The following LYPLAL1 variants were observed in gnomAD, a reference collection of about 807,000 sequenced individuals.
LYPLAL1 encodes lysophospholipase like 1, also known as lysophospholipase-like protein 1.
A neutral mutation model predicts 19.7 loss-of-function variants in LYPLAL1; 23 were observed. The ratio of observed to expected loss-of-function variants is 1.17; its 90% confidence interval spans 0.84 to 1.65. The LOEUF (loss-of-function observed/expected upper bound fraction) is 1.65, where lower values mean the gene tolerates loss of function less well. Among genes scored for constraint, LYPLAL1 ranks in the 40% most tolerant of loss-of-function variants. The probability of loss-of-function intolerance (pLI) is 0.00; values close to 1 mark genes in which losing one functional copy is unlikely to be tolerated. For synonymous variants in LYPLAL1, 119 were observed against 96.3 expected (o/e 1.24, Z -1.38); for missense variants, 355 against 279.4 (o/e 1.27, Z -1.93).
intron 3 of LYPLAL1, among the ~76,000 whole-genome samples, chr1:219,208,570 C>T (rs112019807): frequency 1.6e-4 from 24 of 151,910 alleles, no homozygotes; most frequent in Non-Finnish European, 2.9e-4. Flanking sequence ...TACCACTGAG[C>T]GTGTAAAGTT....
the LYPLAL1 span, among the ~76,000 whole-genome samples, chr1:219,331,587 T>G: frequency 6.6e-6 from 1 of 152,226 alleles, no homozygotes; most frequent in Non-Finnish European, 1.5e-5. Flanking sequence ...CTGTCATTTA[T>G]GCACACATGC....
At chr1:219,182,070 A>C (rs1446926269) in intron 2 of LYPLAL1, among the ~76,000 whole-genome samples, 9 of 152,172 alleles carry the variant, frequency 5.9e-5, no homozygotes, top group African/African-American at 2.2e-4. Context: ...TGTTGTGGTA[A>C]ATAACCTAAG....
chr1:219,195,698 T>G lies in LYPLAL1; in HGVS notation c.361+2447T>G, dbSNP rs955870591. Among the ~76,000 whole-genome samples, 7 of 139,752 alleles carry G rather than the reference T, an allele frequency of 5.0e-5. No individual in the cohort carries two copies. In the South Asian group the frequency reaches 1.2e-3, roughly 25 times the overall value. The allele number at this position is 139,752 out of a possible 152,430, so 91.7% of individuals were successfully genotyped here. On this transcript the variant is annotated intron_variant, in intron 3 of 4. Coordinates refer to ENST00000366928, the MANE Select transcript of LYPLAL1 (RefSeq NM_138794.5). ...TCAAATCTTTTAAAAATTTTAATTTTATTTTAAGTTCCAGGATACATGTGC... is the reference window on the plus strand; with the variant it reads ...TCAAATCTTTTAAAAATTTTAATTTGATTTTAAGTTCCAGGATACATGTGC...
chr1:219,194,457 G>A (rs774365214), intron 3 of LYPLAL1, among the ~76,000 whole-genome samples: 3 of 151,906 alleles, frequency 2.0e-5, no homozygotes, highest in Non-Finnish European at 4.4e-5. Flanking sequence ...AGATGTTCAC[G>A]GGGATGTGCA....
intron 2 of LYPLAL1, among the ~76,000 whole-genome samples, chr1:219,189,243 A>G (rs894880790): frequency 6.6e-5 from 10 of 151,850 alleles, no homozygotes; most frequent in Non-Finnish European, 4.4e-5. Flanking sequence ...TAGACAGACA[A>G]ATAAACACAG....
At chr1:219,382,564 G>T in the LYPLAL1 span, among the ~76,000 whole-genome samples, 3 of 152,142 alleles carry the variant, frequency 2.0e-5, no homozygotes, top group South Asian at 6.2e-4. Flanking sequence ...GGGTTTCACC[G>T]TGTTAGCCAG....
the LYPLAL1 span, among the ~76,000 whole-genome samples, chr1:219,350,591 G>A: frequency 6.6e-6 from 1 of 151,648 alleles, no homozygotes; most frequent in Non-Finnish European, 1.5e-5. Context: ...GTGTAGAGCT[G>A]AGCAGAGTGA....
chr1:219,216,059 AG>A (rs1468597160), downstream of LYPLAL1, among the ~76,000 whole-genome samples: 10 of 152,008 alleles, frequency 6.6e-5, no homozygotes, highest in Non-Finnish European at 1.3e-4. Context: ...TACTTCATGA[AG>A]TTCATTGATC....
intron 3 of LYPLAL1, among the ~76,000 whole-genome samples, chr1:219,208,683 C>T (rs554516450): frequency 2.0e-5 from 3 of 151,880 alleles, no homozygotes; most frequent in Admixed American, 2.0e-4. Context: ...GTTTCTTACC[C>T]TTAAGGGTTT....
the LYPLAL1 span, among the ~76,000 whole-genome samples, chr1:219,304,460 T>C: frequency 6.6e-6 from 1 of 152,246 alleles, no homozygotes; most frequent in South Asian, 2.1e-4. Flanking sequence ...AGATCTGGTA[T>C]GTCATCAAAA....
the LYPLAL1 span, among the ~76,000 whole-genome samples, chr1:219,248,852 A>T: frequency 6.6e-6 from 1 of 152,146 alleles, no homozygotes; most frequent in East Asian, 1.9e-4. Flanking sequence ...AGATAAACGC[A>T]AAGAAAATAA....
the LYPLAL1 span, among the ~76,000 whole-genome samples, chr1:219,233,540 A>G: frequency 6.6e-6 from 1 of 152,280 alleles, no homozygotes; most frequent in African/African-American, 2.4e-5. Flanking sequence ...GGCTAAGGCA[A>G]GTGAGTCGTT....
the LYPLAL1 span, among the ~76,000 whole-genome samples, chr1:219,236,339 A>G: frequency 6.6e-6 from 1 of 152,246 alleles, no homozygotes; most frequent in Non-Finnish European, 1.5e-5. Context: ...TGACATAAGC[A>G]GTGTTAGTAA....
the LYPLAL1 span, among the ~76,000 whole-genome samples, chr1:219,342,677 G>C: frequency 4.8e-3 from 736 of 152,202 alleles, 8 homozygotes; most frequent in African/African-American, 0.017. Flanking sequence ...ACTGTATGAA[G>C]TTAAGGCTGC....
At chr1:219,324,184 A>G in the LYPLAL1 span, among the ~76,000 whole-genome samples, 2 of 152,218 alleles carry the variant, frequency 1.3e-5, no homozygotes, top group Non-Finnish European at 2.9e-5. Flanking sequence ...TCCTGAAAAG[A>G]AACTAGATGC....
chr1:219,397,178 G>T, the LYPLAL1 span, among the ~76,000 whole-genome samples: 7 of 152,298 alleles, frequency 4.6e-5, no homozygotes, highest in East Asian at 1.3e-3. Context: ...TAATCATGTG[G>T]TTTTTGTCTT....
chr1:219,370,925 C>T, the LYPLAL1 span, among the ~76,000 whole-genome samples: 1 of 152,062 alleles, frequency 6.6e-6, no homozygotes, highest in Non-Finnish European at 1.5e-5. Context: ...CCTTCTATCT[C>T]CTGGGTCACT....
the LYPLAL1 span, among the ~76,000 whole-genome samples, chr1:219,275,666 G>A: frequency 6.6e-6 from 1 of 151,736 alleles, no homozygotes; most frequent in Admixed American, 6.6e-5. Context: ...GTGATCTATA[G>A]GCAAATAAAA....
the LYPLAL1 span, among the ~76,000 whole-genome samples, chr1:219,223,775 C>T: frequency 6.6e-6 from 1 of 152,006 alleles, no homozygotes; most frequent in South Asian, 2.1e-4. Flanking sequence ...AAGTTTGATG[C>T]TTTTCCATTT....
Sources: allele counts gnomAD v4.1 joint callset (sites outside exome capture counted in the v4.1 genomes callset), GRCh38; gene constraint gnomAD v4.1.1; transcripts MANE v1.5; gene names NCBI Gene and HGNC (gene_info 2026-07-23, HGNC 2026-07-21).